The following LSAMP variants were observed in gnomAD, a reference collection of about 807,000 sequenced individuals.
LSAMP encodes the protein limbic system-associated membrane protein.
Under a neutral mutation model 38.6 loss-of-function variants are expected in LSAMP, and 7 were observed. The ratio of observed to expected loss-of-function variants is 0.18; its 90% confidence interval spans 0.10 to 0.34. The LOEUF is 0.34. LSAMP is among the 10% of genes least tolerant of loss of function. LSAMP has a pLI of 1.00. For missense variants in LSAMP, 313 were observed against 420.0 expected (o/e 0.75, Z 2.23); for synonymous variants, 154 against 166.8 (o/e 0.92, Z 0.59).
chr3:116,167,349 T>G (rs1400242633), intron 1 of LSAMP, among the ~76,000 whole-genome samples: 2 of 152,188 alleles, frequency 1.3e-5, no homozygotes, highest in African/African-American at 2.4e-5. Flanking sequence ...TGCACATGAG[T>G]GAAGACATAT....
intron 1 of LSAMP, among the ~76,000 whole-genome samples, chr3:116,226,894 G>A (rs1415185402): frequency 6.6e-6 from 1 of 152,162 alleles, no homozygotes; most frequent in Admixed American, 6.5e-5. Flanking sequence ...GTTGCCTTTT[G>A]TAGCCCTTCC....
intron 6 of LSAMP, chr3:115,841,636 C>T: frequency 2.2e-6 from 1 of 452,978 alleles, no homozygotes; most frequent in Non-Finnish European, 3.8e-6. Context: ...AGGCAGTTAT[C>T]AGAAGTAAGA....
chr3:116,354,843 A>ATGTGTG (rs776649270), intron 1 of LSAMP, among the ~76,000 whole-genome samples: 23 of 104,368 alleles, frequency 2.2e-4, no homozygotes, highest in Non-Finnish European at 2.4e-4. Flanking sequence ...CTGGGTGTAT[A>ATGTGTG]TATGTGTGTG....
At chr3:116,217,729 T>A (rs2046238026) in intron 1 of LSAMP, among the ~76,000 whole-genome samples, 1 of 152,236 alleles carries the variant, frequency 6.6e-6, no homozygotes, top group Non-Finnish European at 1.5e-5. Flanking sequence ...ACTGAGAATT[T>A]GAAAAATTAA....
chr3:116,105,567 G>A (rs1708446895), intron 1 of LSAMP, among the ~76,000 whole-genome samples: 1 of 152,126 alleles, frequency 6.6e-6, no homozygotes, highest in Admixed American at 6.5e-5. Context: ...GGGTCACAAG[G>A]TGCTCAGTGG....
At chr3:116,317,339 G>T (rs1298030783) in intron 1 of LSAMP, among the ~76,000 whole-genome samples, 1 of 151,358 alleles carries the variant, frequency 6.6e-6, no homozygotes, top group African/African-American at 2.4e-5. Context: ...TACAAAGAGA[G>T]CCCAATCTCT....
At chr3:116,229,193 G>T (rs1485687330) in intron 1 of LSAMP, among the ~76,000 whole-genome samples, 1 of 151,782 alleles carries the variant, frequency 6.6e-6, no homozygotes, top group African/African-American at 2.4e-5. Flanking sequence ...GATATTCAGA[G>T]AAAAACAAAC....
intron 3 of LSAMP, among the ~76,000 whole-genome samples, chr3:116,017,817 A>G (rs1345937938): frequency 6.6e-6 from 1 of 152,184 alleles, no homozygotes; most frequent in African/African-American, 2.4e-5. Context: ...CAATCTCTCA[A>G]TTATAACATT....
At chr3:116,387,315 A>T (rs1314272915) in intron 1 of LSAMP, among the ~76,000 whole-genome samples, 1 of 152,168 alleles carries the variant, frequency 6.6e-6, no homozygotes, top group Non-Finnish European at 1.5e-5. Context: ...ACTATTTATA[A>T]TGTCCAGCAT....
At chr3:115,846,191 C>G (rs573645726) in intron 4 of LSAMP, among the ~76,000 whole-genome samples, 13 of 152,206 alleles carry the variant, frequency 8.5e-5, no homozygotes, top group African/African-American at 2.6e-4. Flanking sequence ...AAAAATGTGG[C>G]ATCATAAAAA....
chr3:116,086,384 T>A lies in LSAMP; in HGVS notation c.328A>T (p.Thr110Ser). The change falls in exon 2 of 7, where the codon ACT (threonine) becomes TCT (serine). Residue 110 changes from threonine (T) to serine (S), a missense_variant. Transcript: ENST00000490035. Reference protein sequence around the residue: ...KVDVYDEGSYTCSVQTQHEPK... With the variant: ...KVDVYDEGSYSCSVQTQHEPK... ...TCATGCTGTGTCTGAACTGAGCAAG[T>A]GTAGGAACCCTCATCATAGACATCC... 1 of 1,614,164 alleles carries A rather than the reference T, an allele frequency of 6.2e-7. No individual in the cohort carries two copies. Among genetic ancestry groups the A allele is most frequent in the Non-Finnish European group, 8.5e-7 (1 of 1,180,034 alleles).
intron 3 of LSAMP, among the ~76,000 whole-genome samples, chr3:115,970,389 T>C (rs1938975760): frequency 6.6e-6 from 1 of 152,166 alleles, no homozygotes. Context: ...TGGCAATAAT[T>C]ATAACAGTAA....
chr3:115,923,145 G>T (rs972041086), intron 3 of LSAMP, among the ~76,000 whole-genome samples: 1 of 152,152 alleles, frequency 6.6e-6, no homozygotes, highest in African/African-American at 2.4e-5. Flanking sequence ...GTTCTCAGTT[G>T]CCCAAGACAC....
intron 1 of LSAMP, among the ~76,000 whole-genome samples, chr3:116,384,363 A>C (rs530143499): frequency 6.6e-6 from 1 of 152,124 alleles, no homozygotes; most frequent in Non-Finnish European, 1.5e-5. Context: ...AACAGTCTGT[A>C]CATTAGGATC....
chr3:116,346,271 A>G (rs2048061586), intron 1 of LSAMP, among the ~76,000 whole-genome samples: 1 of 150,128 alleles, frequency 6.7e-6, no homozygotes, highest in African/African-American at 2.4e-5. Context: ...GCCCAATAAG[A>G]TTTTTTTCTC....
chr3:116,381,714 C>A (rs907227690), intron 1 of LSAMP, among the ~76,000 whole-genome samples: 1 of 152,044 alleles, frequency 6.6e-6, no homozygotes, highest in Non-Finnish European at 1.5e-5. Flanking sequence ...AGAGTGCATT[C>A]CTTCCACAAA....
chr3:115,864,441 G>A (rs1297940774), intron 3 of LSAMP, among the ~76,000 whole-genome samples: 2 of 152,146 alleles, frequency 1.3e-5, no homozygotes, highest in Non-Finnish European at 2.9e-5. Context: ...GCTCACATTG[G>A]TGCAGCATCA....
intron 3 of LSAMP, among the ~76,000 whole-genome samples, chr3:116,007,297 T>G (rs1185256809): frequency 2.0e-5 from 3 of 152,156 alleles, no homozygotes; most frequent in Non-Finnish European, 2.9e-5. Context: ...TATTTTTTTT[T>G]TGCCAAGGAG....
At chr3:116,073,075 A>AT (rs1185626029) in intron 2 of LSAMP, among the ~76,000 whole-genome samples, 3 of 152,094 alleles carry the variant, frequency 2.0e-5, no homozygotes, top group Non-Finnish European at 2.9e-5. Context: ...TCCTGAGTTA[A>AT]TTTTTTTATA....
Sources: allele counts gnomAD v4.1 joint callset (sites outside exome capture counted in the v4.1 genomes callset), GRCh38; gene constraint gnomAD v4.1.1; transcripts MANE v1.5; gene names NCBI Gene and HGNC (gene_info 2026-07-23, HGNC 2026-07-21).